MARCHF10: variants seen among roughly 807,000 people sequenced by gnomAD.
MARCHF10 encodes the protein membrane associated ring-CH-type finger 10.
MARCHF10 carries 64 observed loss-of-function variants against 76.2 expected under a neutral mutation model. The observed-to-expected ratio is 0.84, with a 90% CI of 0.69 to 1.03. MARCHF10 has a LOEUF of 1.03. Among genes scored for constraint, MARCHF10 ranks in the 50% least tolerant of loss-of-function variants. The pLI is 0.00. For synonymous variants in MARCHF10, 340 were observed against 357.5 expected, an observed-to-expected ratio of 0.95 and a Z score of 0.55; for missense variants, 875 against 958.0, an observed-to-expected ratio of 0.91 and a Z score of 1.14.
chr17:62,775,132 CTT>C (rs35354893), intron 3 of MARCHF10, among the ~76,000 whole-genome samples: 2 of 142,566 alleles, frequency 1.4e-5, no homozygotes, highest in African/African-American at 5.1e-5. Context: ...CCTGGCCTTC[CTT>C]TTTTTTTTTC....
rs2089229660 is a variant in MARCHF10 at position 62,701,452 on chromosome 17, C to T, written c.*251G>A. The stretch of plus-strand genomic sequence containing the variant: ...GGCTTCTGGGCTAAGGGGGCAGCAC[C>T]AGGCCAGCCTGCCAGGGGCTCCACA... On this transcript the variant is annotated 3_prime_UTR_variant, in exon 11 of 11. Transcript: ENST00000311269. The T allele has an allele frequency of 1.2e-6, 1 of 845,036 alleles. No homozygotes were observed. Among genetic ancestry groups the T allele is most frequent in the East Asian group, 3.0e-5 (1 of 33,656 alleles). 52.3% of individuals were successfully genotyped at this position (845,036 alleles called of 1,614,324 possible). A position where few individuals can be genotyped will look rare whatever the true frequency, so the allele number is the denominator to read the frequency against.
chr17:62,749,926 G>C (rs1161362746), intron 4 of MARCHF10: 1 of 152,306 alleles, frequency 6.6e-6, no homozygotes, highest in East Asian at 1.9e-4. Flanking sequence ...GTTTCTGGGG[G>C]TGACATTGCA....
At position 62,709,484 on chromosome 17, in the gene MARCHF10, AAAAC is replaced by A. The variant is rs1416688577; in HGVS notation, c.2328+1743_2328+1746del. On this transcript the variant is annotated intron_variant, in intron 9 of 10. Transcript: ENST00000311269. ...AGCAAGACTCTTGTCTCAAAAAAATAAAACAAAAAAACAAAACAAAAAAAACGAG... is the reference window on the plus strand; with the variant it reads ...AGCAAGACTCTTGTCTCAAAAAAATAAAAAAAACAAAACAAAAAAAACGAG... 3.9e-5 allele frequency among the ~76,000 whole-genome samples: 6 copies of A among 152,186 alleles called. No homozygotes were observed. The South Asian group carries it at 1.0e-3, about 26-fold the overall frequency.
intron 4 of MARCHF10, among the ~76,000 whole-genome samples, chr17:62,751,787 G>A (rs919694360): frequency 2.6e-5 from 4 of 152,164 alleles, no homozygotes; most frequent in East Asian, 1.9e-4. Flanking sequence ...TTGGGAGACC[G>A]AAGCAGGCGG....
intron 8 of MARCHF10, among the ~76,000 whole-genome samples, chr17:62,716,349 TG>T (rs1457831784): frequency 6.6e-6 from 1 of 150,864 alleles, no homozygotes; most frequent in Non-Finnish European, 1.5e-5. Flanking sequence ...CCTAGCACTT[TG>T]GGAGGCCAAG....
chr17:62,775,225 A>G (rs1597989792), intron 3 of MARCHF10, among the ~76,000 whole-genome samples: 1 of 149,234 alleles, frequency 6.7e-6, no homozygotes, highest in African/African-American at 2.5e-5. Context: ...TCTCGGGTTC[A>G]GGCAATTCTC....
At chr17:62,757,227 G>A (rs548154606) in intron 4 of MARCHF10, among the ~76,000 whole-genome samples, 14 of 152,160 alleles carry the variant, frequency 9.2e-5, no homozygotes, top group Non-Finnish European at 1.8e-4. Context: ...GAATTTCACT[G>A]TGTTTGATGC....
At position 62,736,527 on chromosome 17, in the gene MARCHF10, A is replaced by C; in HGVS notation, c.1341T>G (p.Ser447=). 1 of 1,614,246 alleles carries C rather than the reference A, an allele frequency of 6.2e-7. No individual in the cohort carries two copies. Among genetic ancestry groups the C allele is most frequent in the South Asian group, 1.1e-5 (1 of 91,088 alleles). ...EGYWKDYLNS[S]QNSLDYFISG... The stretch of plus-strand genomic sequence containing the variant: ...AAATAAAGTAGTCAAGAGAATTTTG[A>C]GAACTGTTTAAATAGTCTTTCCAGT... The change falls in exon 6 of 11, where the codon TCT becomes TCG. Residue 447 remains serine, a synonymous_variant. Coordinates refer to ENST00000311269, the MANE Select transcript of MARCHF10 (RefSeq NM_152598.4).
chr17:62,785,601 G>A (rs1038979995), intron 3 of MARCHF10, among the ~76,000 whole-genome samples: 62 of 152,246 alleles, frequency 4.1e-4, no homozygotes, highest in African/African-American at 1.3e-3. Flanking sequence ...CCTACAGAAT[G>A]GGAGAAAATT....
chr17:62,740,073 T>TGTGC (rs1568142046), intron 5 of MARCHF10, among the ~76,000 whole-genome samples: 1 of 136,768 alleles, frequency 7.3e-6, no homozygotes, highest in African/African-American at 2.6e-5. Flanking sequence ...TGTGTGTGTG[T>TGTGC]GTGTGTGTGC....
intron 1 of MARCHF10, chr17:62,806,768 A>G (rs2093170969): frequency 6.6e-6 from 1 of 152,228 alleles, no homozygotes; most frequent in Admixed American, 6.5e-5. Flanking sequence ...TTCCTGACTG[A>G]GGGGAACAGA....
chr17:62,705,442 A>T, intron 10 of MARCHF10, 97 bp downstream of exon 10: 6 of 1,609,142 alleles, frequency 3.7e-6, no homozygotes, highest in Non-Finnish European at 5.1e-6. Flanking sequence ...GGTGGTGGTC[A>T]TTCCTTCCTT....
At chr17:62,774,528 C>T (rs1397081912) in intron 3 of MARCHF10, among the ~76,000 whole-genome samples, 2 of 152,090 alleles carry the variant, frequency 1.3e-5, no homozygotes, top group African/African-American at 4.8e-5. Context: ...GTAGGACAGC[C>T]TCAAGGAAAA....
At chr17:62,725,718 G>C (rs760575461) in intron 6 of MARCHF10, among the ~76,000 whole-genome samples, 1 of 152,226 alleles carries the variant, frequency 6.6e-6, no homozygotes, top group Non-Finnish European at 1.5e-5. Context: ...CCCTCTCCCT[G>C]CCAGGAAGTT....
At chr17:62,794,918 A>C in intron 2 of MARCHF10, 1 of 617,754 alleles carries the variant, frequency 1.6e-6, no homozygotes, top group Non-Finnish European at 2.0e-6. Flanking sequence ...CATTAATTTT[A>C]AGAGGTCAAG....
rs540883152 is a variant in MARCHF10 at position 62,709,466 on chromosome 17, CT to C, written c.2328+1764del. Among the ~76,000 whole-genome samples, 748 of 152,172 alleles carry C rather than the reference CT, an allele frequency of 4.9e-3. 6 individuals carry two copies. The highest frequency in any genetic ancestry group is 0.017 in the African/African-American group (717 of 41,518). On this transcript the variant is annotated intron_variant, in intron 9 of 10. Coordinates refer to ENST00000311269, the MANE Select transcript of MARCHF10 (RefSeq NM_152598.4). ...CTCCAGCCTGGGTGACAGAGCAAGA[CT>C]CTTGTCTCAAAAAAATAAAACAAAA...
rs1469412102 is a variant in MARCHF10, at chr17:62,736,101, C to A, written c.1767G>T (p.Leu589Phe). The change falls in exon 6 of 11, where the codon TTG becomes TTT. Residue 589 changes from leucine to phenylalanine, a missense_variant. Transcript: ENST00000311269. ...TTTCTTGCAGAGACCCAGACACATG[C>A]AAATGGCCTTCTGAGTTCATTCTTG... Reference protein sequence around the residue: ...SPSRMNSEGHLHVSGSLQENT... With the variant: ...SPSRMNSEGHFHVSGSLQENT... 1.2e-6 allele frequency: 2 copies of A among 1,614,062 alleles called. No homozygotes were observed. Among genetic ancestry groups the A allele is most frequent in the Non-Finnish European group, 1.7e-6 (2 of 1,180,040 alleles).
chr17:62,702,196 G>T (rs751577507), intron 10 of MARCHF10, among the ~76,000 whole-genome samples: 7 of 152,048 alleles, frequency 4.6e-5, no homozygotes, highest in Non-Finnish European at 1.0e-4. Flanking sequence ...GTGATAGGAC[G>T]GGGAAAGGGA....
chr17:62,793,459 A>T (rs1372197609), intron 2 of MARCHF10, among the ~76,000 whole-genome samples: 30 of 127,306 alleles, frequency 2.4e-4, no homozygotes, highest in Non-Finnish European at 3.1e-4. Context: ...CATCACCACC[A>T]CCATCACCAC....
Sources: allele counts gnomAD v4.1 joint callset (sites outside exome capture counted in the v4.1 genomes callset), GRCh38; gene constraint gnomAD v4.1.1; transcripts MANE v1.5; gene names NCBI Gene and HGNC (gene_info 2026-07-23, HGNC 2026-07-21).